Variants in BICC1 observed in about 807,000 individuals in gnomAD.
BICC1 encodes BicC family RNA binding protein 1, also known as protein bicaudal C homolog 1.
A neutral mutation model predicts 111.0 loss-of-function variants in BICC1; 43 were observed. That is an observed-to-expected ratio of 0.39 (90% CI 0.30 to 0.50). BICC1 has a LOEUF of 0.50. Ranked by LOEUF, BICC1 falls within the 20% of genes least tolerant of loss-of-function variation. The pLI is 0.88. For missense variants in BICC1, 1,091 were observed against 1,203.2 expected (o/e 0.91, Z 1.38); for synonymous variants, 467 against 434.4 (o/e 1.07, Z -0.93).
intron 2 of BICC1, among the ~76,000 whole-genome samples, chr10:58,626,041 C>T (rs1374729424): frequency 1.3e-5 from 2 of 152,046 alleles, no homozygotes; most frequent in East Asian, 3.8e-4. Context: ...AAATAAGATC[C>T]AGATATTTTA....
At chr10:58,603,635 A>G (rs1329768153) in intron 1 of BICC1, among the ~76,000 whole-genome samples, 1 of 152,194 alleles carries the variant, frequency 6.6e-6, no homozygotes, top group Non-Finnish European at 1.5e-5. Flanking sequence ...TTAGCAAGTT[A>G]AAAGATGGAA....
At chr10:58,703,751 A>T (rs1434927064) in intron 3 of BICC1, among the ~76,000 whole-genome samples, 1 of 152,226 alleles carries the variant, frequency 6.6e-6, no homozygotes, top group Non-Finnish European at 1.5e-5. Context: ...TGGAACTTGA[A>T]CATAGACTAA....
chr10:58,608,983 A>T (rs1249339716), intron 1 of BICC1, among the ~76,000 whole-genome samples: 1 of 152,234 alleles, frequency 6.6e-6, no homozygotes, highest in East Asian at 1.9e-4. Context: ...CTGCCTGGTC[A>T]TGGATTTCTG....
rs769280220 is a variant in BICC1, at chr10:58,513,184, C to T, written c.41C>T (p.Ser14Leu). The T allele has an allele frequency of 3.2e-6, 5 of 1,584,872 alleles. No individual in the cohort carries two copies. In the East Asian group the frequency reaches 9.6e-5, roughly 31 times the overall value. The change falls in exon 1 of 21, where the codon TCG (serine) becomes TTG (leucine). Residue 14 changes from serine (S) to leucine (L), a missense_variant. Physicochemically the swap from Ser to Leu is moderately radical, Grantham distance 145. Transcript: ENST00000373886. ...GAGCCCGGCTACCTGGCGGCGCAGT[C>T]GGACCCCGGCTCCAACAGCGAGCGC... ...QGEPGYLAAQ[S>L]DPGSNSERST...
chr10:58,515,849 A>G (rs1842229073), intron 1 of BICC1, among the ~76,000 whole-genome samples: 1 of 152,176 alleles, frequency 6.6e-6, no homozygotes, highest in South Asian at 2.1e-4. Context: ...AACTTAATGA[A>G]TATCTGTTGT....
Position 58,789,581 on chromosome 10 carries a change from A to G in BICC1, c.796-101A>G, listed in dbSNP as rs1455970464. The G allele has an allele frequency of 2.6e-6, 4 of 1,530,388 alleles. No individual in the cohort carries two copies. The African/African-American group carries it at 4.1e-5, about 16-fold the overall frequency. 94.8% of individuals were successfully genotyped at this position (1,530,388 alleles called of 1,614,324 possible). A position where few individuals can be genotyped will look rare whatever the true frequency, so the allele number is the denominator to read the frequency against. ...CGTTCTACATTTTGGTTTGCAGAATATGCTGTATTTTTCCATAGCTGTTAG... is the reference window on the plus strand; with the variant it reads ...CGTTCTACATTTTGGTTTGCAGAATGTGCTGTATTTTTCCATAGCTGTTAG... On this transcript the variant is annotated intron_variant, in intron 7 of 20. Transcript: ENST00000373886.
intron 5 of BICC1, 110 bp downstream of exon 5, chr10:58,787,191 A>G: frequency 1.0e-6 from 1 of 992,436 alleles, no homozygotes; most frequent in Non-Finnish European, 1.5e-6. Context: ...AAAATCACAT[A>G]GATGACATAC....
chr10:58,657,990 A>G (rs1218747268), intron 2 of BICC1, among the ~76,000 whole-genome samples: 2 of 142,114 alleles, frequency 1.4e-5, no homozygotes, highest in African/African-American at 5.3e-5. Context: ...GTGTCACCTT[A>G]GGAAAAATTG....
At chr10:58,729,445 GC>G (rs1231519905) in intron 3 of BICC1, among the ~76,000 whole-genome samples, 1 of 152,130 alleles carries the variant, frequency 6.6e-6, no homozygotes, top group East Asian at 1.9e-4. Flanking sequence ...GAGAGTTAGG[GC>G]TTTGCTCTGG....
chr10:58,786,596 C>T (rs1447129857), intron 4 of BICC1, among the ~76,000 whole-genome samples: 5 of 152,076 alleles, frequency 3.3e-5, no homozygotes, highest in African/African-American at 9.7e-5. Flanking sequence ...TTAAATGTTT[C>T]GTGAATAATG....
At chr10:58,793,347 T>C in intron 8 of BICC1, 137 bp from the exon 9 acceptor site, 1 of 847,132 alleles carries the variant, frequency 1.2e-6, no homozygotes, top group South Asian at 1.9e-5. Flanking sequence ...TATGTGAACT[T>C]ATATAATTCA....
At chr10:58,765,758 A>T (rs996516181) in intron 3 of BICC1, among the ~76,000 whole-genome samples, 3 of 152,226 alleles carry the variant, frequency 2.0e-5, no homozygotes, top group Non-Finnish European at 2.9e-5. Flanking sequence ...CTTGTTCTGA[A>T]CAGATACCTC....
intron 2 of BICC1, among the ~76,000 whole-genome samples, chr10:58,641,756 T>A (rs1051280313): frequency 1.3e-5 from 2 of 152,202 alleles, no homozygotes; most frequent in African/African-American, 4.8e-5. Flanking sequence ...TGAGAGATTC[T>A]TTTTTCAAGA....
intron 1 of BICC1, among the ~76,000 whole-genome samples, chr10:58,599,570 A>G (rs1400524028): frequency 1.3e-5 from 2 of 152,150 alleles, no homozygotes; most frequent in Non-Finnish European, 2.9e-5. Context: ...TGTTGGGTGC[A>G]GCAAACCACC....
chr10:58,562,529 A>T (rs1194765298), intron 1 of BICC1, among the ~76,000 whole-genome samples: 1 of 151,896 alleles, frequency 6.6e-6, no homozygotes, highest in East Asian at 1.9e-4. Context: ...TTTTGTTTTC[A>T]TTGAATTCTC....
chr10:58,672,015 A>G (rs1309221128), intron 2 of BICC1, among the ~76,000 whole-genome samples: 2 of 152,066 alleles, frequency 1.3e-5, no homozygotes, highest in Admixed American at 6.6e-5. Flanking sequence ...TCATTTTTCT[A>G]GCATTTCCTG....
intron 2 of BICC1, among the ~76,000 whole-genome samples, chr10:58,675,829 G>A (rs566072529): frequency 3.0e-4 from 45 of 152,354 alleles, no homozygotes; most frequent in African/African-American, 1.1e-3. Flanking sequence ...AAAAAGACAT[G>A]AGGGATTCCT....
intron 1 of BICC1, among the ~76,000 whole-genome samples, chr10:58,515,222 A>G (rs1842210654): frequency 6.6e-6 from 1 of 152,224 alleles, no homozygotes; most frequent in African/African-American, 2.4e-5. Flanking sequence ...TTTTACAGAA[A>G]GTCTTAACAT....
At chr10:58,561,317 A>G (rs894408902) in intron 1 of BICC1, among the ~76,000 whole-genome samples, 1 of 151,164 alleles carries the variant, frequency 6.6e-6, no homozygotes, top group East Asian at 1.9e-4. Flanking sequence ...TTCTCTTTTT[A>G]TAGTTTTTGA....
Sources: allele counts gnomAD v4.1 joint callset (sites outside exome capture counted in the v4.1 genomes callset), GRCh38; gene constraint gnomAD v4.1.1; transcripts MANE v1.5; gene names NCBI Gene and HGNC (gene_info 2026-07-23, HGNC 2026-07-21).